Variants in GET4 observed in about 807,000 individuals in gnomAD.
GET4 encodes Golgi to ER traffic protein 4 homolog.
A neutral mutation model predicts 40.0 loss-of-function variants in GET4; 20 were observed. The ratio of observed to expected loss-of-function variants is 0.50; its 90% CI spans 0.35 to 0.73. The LOEUF (loss-of-function observed/expected upper bound fraction) is 0.73. Ranked by LOEUF, GET4 falls within the 30% of genes least tolerant of loss-of-function variation. The pLI is 0.01. For synonymous variants in GET4, 280 were observed against 194.6 expected (o/e 1.44, Z -3.65); for missense variants, 557 against 454.0 (o/e 1.23, Z -2.06).
rs753777363 is a variant in GET4, at chr7:876,647, T to TGGC, written c.16_18dup (p.Ala6dup). On this transcript the variant is annotated inframe_insertion, in exon 1 of 9. Transcript: ENST00000265857. The stretch of plus-strand genomic sequence containing the variant: ...AGCCCTGCGCGGAGCGCCGGCCCGA[T>TGGC]GGCGGCGGCGGCGGCGATGGCCGAG... The TGGC allele has an allele frequency of 2.3e-4, 296 of 1,267,568 alleles. 1 individual carries two copies. The East Asian group carries it at 7.5e-3, about 32-fold the overall frequency. 78.5% of individuals were successfully genotyped at this position (1,267,568 alleles called of 1,614,324 possible). A position where few individuals can be genotyped will look rare whatever the true frequency, so the allele number is the denominator to read the frequency against.
At chr7:894,649 G>A (rs538094592) in intron 8 of GET4, among the ~76,000 whole-genome samples, 51 of 152,274 alleles carry the variant, frequency 3.3e-4, no homozygotes, top group Admixed American at 5.9e-4. Flanking sequence ...CTCTCCAGTC[G>A]AAACCGCAGC....
chr7:894,658 G>C (rs1844431340), intron 8 of GET4, among the ~76,000 whole-genome samples: 2 of 152,198 alleles, frequency 1.3e-5, no homozygotes, highest in South Asian at 4.1e-4. Context: ...CGAAACCGCA[G>C]CCTGAGCTCC....
Position 893,934 on chromosome 7 carries a change from C to A in GET4, c.858C>A (p.Val286=). The change falls in exon 8 of 9, where the codon GTC becomes GTA. Residue 286 remains valine (V), a synonymous_variant. Coordinates refer to ENST00000265857, the MANE Select transcript of GET4 (RefSeq NM_015949.3). ...GCATAGGACAGCTGTTCTTCGGCGT[C>A]CCGCCCAAGCAGACGTCTTCCTACG... ...LDRIGQLFFG[V]PPKQTSSYGG... The A allele has an allele frequency of 6.2e-7, 1 of 1,607,852 alleles. No homozygotes were observed. The highest frequency in any genetic ancestry group is 2.2e-5 in the East Asian group (1 of 44,746).
chr7:895,128 A>ATGTT (rs937033409), intron 8 of GET4, among the ~76,000 whole-genome samples: 1 of 150,732 alleles, frequency 6.6e-6, no homozygotes, highest in Non-Finnish European at 1.5e-5. Flanking sequence ...TGGCTGCTCC[A>ATGTT]TGTTTGAGTA....
At chr7:888,367 T>C (rs1214717021) in intron 4 of GET4, among the ~76,000 whole-genome samples, 1 of 152,204 alleles carries the variant, frequency 6.6e-6, no homozygotes, top group Admixed American at 6.5e-5. Context: ...TCCCTGGTCA[T>C]GCGAAACGCA....
In GET4 at chr7:893,371, C is replaced by CGCG. The variant is rs59856326; in HGVS notation, c.747-368_747-367insCGG. Among the ~76,000 whole-genome samples the CGCG allele has an allele frequency of 7.1e-3, 259 of 36,338 alleles. 4 individuals carry two copies. The highest frequency in any genetic ancestry group is 9.1e-3 in the South Asian group (9 of 994). The allele number at this position is 36,338 out of a possible 152,430, so 23.8% of individuals were successfully genotyped here. A position where few individuals can be genotyped will look rare whatever the true frequency, so the allele number is the denominator to read the frequency against. On this transcript the variant is annotated intron_variant, in intron 6 of 8. Transcript: ENST00000265857. ...GTTGCAGGTGAGTGTTGGGTGTGGG[C>CGCG]GTGGTGTGTGCAGGTGAGTGTTGGG... is the stretch of plus-strand genomic sequence containing the variant.
intron 1 of GET4, among the ~76,000 whole-genome samples, chr7:878,982 C>CG (rs911374181): frequency 6.6e-6 from 1 of 151,916 alleles, no homozygotes; most frequent in Admixed American, 6.6e-5. Context: ...AGACACCCCC[C>CG]CCCGAGTAGA....
chr7:893,030 C>T (rs1441146248), intron 6 of GET4, among the ~76,000 whole-genome samples: 2 of 125,494 alleles, frequency 1.6e-5, no homozygotes, highest in African/African-American at 3.1e-5. Context: ...GGGGTGTAGG[C>T]GTGTGTGCAG....
At chr7:879,366 C>A (rs1414397874) in intron 1 of GET4, among the ~76,000 whole-genome samples, 1 of 152,234 alleles carries the variant, frequency 6.6e-6, no homozygotes, top group Non-Finnish European at 1.5e-5. Flanking sequence ...CATTTCGTTG[C>A]TTAAAACACT....
At chr7:888,449 C>G (rs1348033693) in intron 4 of GET4, among the ~76,000 whole-genome samples, 1 of 152,240 alleles carries the variant, frequency 6.6e-6, no homozygotes, top group Non-Finnish European at 1.5e-5. Context: ...GGCTCGGCGC[C>G]CTCAGGCACC....
At chr7:894,693 C>T (rs958629420) in intron 8 of GET4, among the ~76,000 whole-genome samples, 5 of 152,210 alleles carry the variant, frequency 3.3e-5, no homozygotes, top group Non-Finnish European at 7.3e-5. Flanking sequence ...GCCGTCAGGG[C>T]GTGTCCTGAG....
At chr7:878,183 C>G in intron 1 of GET4, 2 of 455,884 alleles carry the variant, frequency 4.4e-6, no homozygotes, top group South Asian at 1.6e-5. Context: ...GCAGAGCTGG[C>G]TATGCTGGGT....
chr7:883,729 G>A (rs1278994804), intron 1 of GET4: 11 of 985,878 alleles, frequency 1.1e-5, no homozygotes, highest in East Asian at 1.1e-4. Context: ...CCCCGGCCTC[G>A]GGCTTGAGAG....
At position 896,390 on chromosome 7, in the gene GET4, A is replaced by G. The variant is rs954241223; in HGVS notation, c.*968A>G. 1.3e-5 allele frequency: 2 copies of G among 152,194 alleles called. No homozygotes were observed. Among genetic ancestry groups the G allele is most frequent in the African/African-American group, 4.8e-5 (2 of 41,444 alleles). The allele number at this position is 152,194 out of a possible 1,614,324, so 9.4% of individuals were successfully genotyped here. A position where few individuals can be genotyped will look rare whatever the true frequency, so the allele number is the denominator to read the frequency against. On this transcript the variant is annotated 3_prime_UTR_variant, in exon 9 of 9. Coordinates refer to ENST00000265857, the MANE Select transcript of GET4 (RefSeq NM_015949.3). ...ATTTACTGTAAAGTGGAATTTCAGGAAGGCTTGTGTGAACCGTTGCGCATA... is the reference window on the plus strand; with the variant it reads ...ATTTACTGTAAAGTGGAATTTCAGGGAGGCTTGTGTGAACCGTTGCGCATA...
chr7:892,715 T>G (rs13308880), intron 6 of GET4, among the ~76,000 whole-genome samples: 2 of 141,576 alleles, frequency 1.4e-5, no homozygotes, highest in African/African-American at 2.7e-5. Context: ...AGGTGTGGGG[T>G]GGTGTGGGTG....
chr7:887,216 C>A, intron 3 of GET4, 154 bp from the exon 4 acceptor site: 1 of 824,166 alleles, frequency 1.2e-6, no homozygotes, highest in Non-Finnish European at 2.2e-6. Flanking sequence ...CGGTGGGCAG[C>A]TCAGTGTGGT....
At chr7:892,570 G>A in intron 6 of GET4, 152 bp downstream of exon 6, 1 of 717,532 alleles carries the variant, frequency 1.4e-6, no homozygotes, top group South Asian at 1.9e-5. Flanking sequence ...GCTGGGTGTA[G>A]ACGTGGCATA....
In GET4 at chr7:893,824, T is replaced by C; in HGVS notation, c.822+9T>C. On this transcript the variant is annotated intron_variant, in intron 7 of 8. Transcript: ENST00000265857. ...ACCCCATGTACAACGAGGTGAGAGC[T>C]TGGGGCTGGGGAGGGAGGAGGGGAC... 2 of 1,609,840 alleles carry C rather than the reference T, an allele frequency of 1.2e-6. No individual in the cohort carries two copies. The highest frequency in any genetic ancestry group is 1.7e-6 in the Non-Finnish European group (2 of 1,176,642).
chr7:892,259 A>C lies in GET4; in HGVS notation c.606-19A>C, dbSNP rs1256444986. ...TGTGTCCTCCAGCCCTTCCACCACC[A>C]GCATGTTCTCATTTCCAGGTTTCTC... On this transcript the variant is annotated intron_variant, in intron 5 of 8. Transcript: ENST00000265857. 2 of 1,584,554 alleles carry C rather than the reference A, an allele frequency of 1.3e-6. No homozygotes were observed. Among genetic ancestry groups the C allele is most frequent in the South Asian group, 1.1e-5 (1 of 90,452 alleles).
Sources: gnomAD v4.1 joint callset for allele counts (sites outside exome capture counted in the v4.1 genomes callset) on GRCh38, gnomAD v4.1.1 for gene constraint, MANE v1.5 for transcripts, NCBI Gene and HGNC (gene_info 2026-07-23, HGNC 2026-07-21) for gene names.